NALF1: variants seen among roughly 807,000 people sequenced by gnomAD.
NALF1 encodes the protein family with sequence similarity 155 member A.
A neutral mutation model predicts 48.4 loss-of-function variants in NALF1; 3 were observed. That is an observed-to-expected ratio of 0.06 (90% confidence interval 0.03 to 0.16). The LOEUF is 0.16. Among genes scored for constraint, NALF1 ranks in the 10% least tolerant of loss-of-function variants. The pLI, the probability that NALF1 is intolerant of heterozygous loss-of-function variation, is 1.00. For synonymous variants in NALF1, 262 were observed against 245.7 expected, an observed-to-expected ratio of 1.07 and a Z score of -0.62; for missense variants, 526 against 571.5, an observed-to-expected ratio of 0.92 and a Z score of 0.81.
At chr13:107,522,460 T>C (rs1876275577) in intron 1 of NALF1, among the ~76,000 whole-genome samples, 1 of 152,178 alleles carries the variant, frequency 6.6e-6, no homozygotes, top group African/African-American at 2.4e-5. Context: ...TTGTCTTCTA[T>C]CTTTTCCAGA....
At chr13:107,436,544 T>C (rs1300140059) in intron 1 of NALF1, among the ~76,000 whole-genome samples, 2 of 152,164 alleles carry the variant, frequency 1.3e-5, no homozygotes, top group African/African-American at 2.4e-5. Flanking sequence ...TGACAATAAC[T>C]GTCAGGAAAC....
intron 1 of NALF1, among the ~76,000 whole-genome samples, chr13:107,760,897 C>T (rs772800278): frequency 1.3e-5 from 2 of 151,888 alleles, no homozygotes; most frequent in Non-Finnish European, 2.9e-5. Context: ...TGAAGGGAGC[C>T]GAAAGAGAAG....
intron 1 of NALF1, among the ~76,000 whole-genome samples, chr13:107,540,710 C>G (rs2139118971): frequency 6.6e-6 from 1 of 152,184 alleles, no homozygotes; most frequent in East Asian, 1.9e-4. Context: ...TTTATACAAA[C>G]TAAAGTCATC....
intron 1 of NALF1, among the ~76,000 whole-genome samples, chr13:107,314,322 G>A (rs1157447811): frequency 6.6e-6 from 1 of 152,122 alleles, no homozygotes; most frequent in East Asian, 1.9e-4. Context: ...CTTCAAATGC[G>A]AGTTCTTCCA....
intron 1 of NALF1, among the ~76,000 whole-genome samples, chr13:107,293,596 T>G (rs1395819978): frequency 6.6e-6 from 1 of 152,218 alleles, no homozygotes; most frequent in Non-Finnish European, 1.5e-5. Context: ...TAATTAATAC[T>G]GAGTCATCCT....
intron 1 of NALF1, among the ~76,000 whole-genome samples, chr13:107,857,720 A>C (rs1880472406): frequency 6.6e-6 from 1 of 152,254 alleles, no homozygotes; most frequent in African/African-American, 2.4e-5. Context: ...AGAGAAGCAC[A>C]ATAAATGTAG....
intron 1 of NALF1, among the ~76,000 whole-genome samples, chr13:107,581,817 A>G (rs1462844400): frequency 6.6e-6 from 1 of 152,124 alleles, no homozygotes; most frequent in Non-Finnish European, 1.5e-5. Context: ...ACCCTCATCA[A>G]TTCACATACA....
At chr13:107,506,586 G>A (rs940097502) in intron 1 of NALF1, among the ~76,000 whole-genome samples, 4 of 74,328 alleles carry the variant, frequency 5.4e-5, no homozygotes, top group African/African-American at 1.8e-4. Context: ...CCACTGTTGT[G>A]CATTTTTCTC....
intron 1 of NALF1, among the ~76,000 whole-genome samples, chr13:107,843,335 G>C (rs1880089717): frequency 6.6e-6 from 1 of 152,122 alleles, no homozygotes; most frequent in African/African-American, 2.4e-5. Flanking sequence ...TAAATTGCAG[G>C]GATGAAGTTT....
chr13:107,503,944 G>T (rs1875610582), intron 1 of NALF1, among the ~76,000 whole-genome samples: 3 of 149,586 alleles, frequency 2.0e-5, no homozygotes, highest in African/African-American at 7.4e-5. Flanking sequence ...TTTTTAAAGA[G>T]CTCAAACACA....
chr13:107,495,395 T>C (rs1438515205), intron 1 of NALF1, among the ~76,000 whole-genome samples: 3 of 152,170 alleles, frequency 2.0e-5, no homozygotes, highest in African/African-American at 4.8e-5. Context: ...CACAAAAGCA[T>C]AAAATGAAAA....
intron 1 of NALF1, among the ~76,000 whole-genome samples, chr13:107,649,907 T>G (rs955543646): frequency 6.6e-6 from 1 of 152,152 alleles, no homozygotes; most frequent in African/African-American, 2.4e-5. Flanking sequence ...CCCCTACCCG[T>G]CAGCTTGCCA....
At chr13:107,241,430 G>T (rs1052690690) in intron 1 of NALF1, among the ~76,000 whole-genome samples, 2 of 152,124 alleles carry the variant, frequency 1.3e-5, no homozygotes, top group African/African-American at 4.8e-5. Flanking sequence ...ATAATTCTCT[G>T]CAATTTTAAT....
chr13:107,306,992 C>G (rs532722395), intron 1 of NALF1, among the ~76,000 whole-genome samples: 1 of 152,192 alleles, frequency 6.6e-6, no homozygotes, highest in African/African-American at 2.4e-5. Context: ...AAACAAAAAC[C>G]CCAAACACGT....
rs1367264134 is a variant in NALF1, at chr13:107,230,422, C to T, written c.916-19667G>A. Among the ~76,000 whole-genome samples the T allele has an allele frequency of 4.6e-5, 7 of 152,064 alleles. No individual in the cohort carries two copies. In the East Asian group the frequency reaches 1.2e-3, roughly 25 times the overall value. ...AAGCATAGAATAAGGTCAGCATTAT[C>T]TGTGGTTGCATGTTGAAGTGAAAAA... On this transcript the variant is annotated intron_variant, in intron 1 of 2. Coordinates refer to ENST00000375915, the MANE Select transcript of NALF1 (RefSeq NM_001080396.3).
At chr13:107,838,325 A>C (rs776277953) in intron 1 of NALF1, among the ~76,000 whole-genome samples, 2 of 152,250 alleles carry the variant, frequency 1.3e-5, no homozygotes, top group Non-Finnish European at 2.9e-5. Context: ...CTCAAAAACA[A>C]TAACATCTGA....
chr13:107,845,227 A>T (rs1354929729), intron 1 of NALF1, among the ~76,000 whole-genome samples: 2 of 152,174 alleles, frequency 1.3e-5, no homozygotes, highest in Non-Finnish European at 2.9e-5. Flanking sequence ...CAGATGAAAG[A>T]TTGCTAATTC....
intron 1 of NALF1, among the ~76,000 whole-genome samples, chr13:107,284,096 A>G (rs924828349): frequency 6.6e-6 from 1 of 152,208 alleles, no homozygotes; most frequent in African/African-American, 2.4e-5. Flanking sequence ...TATGGCTGAC[A>G]TACGATCACA....
chr13:107,841,863 T>C (rs1342126923), intron 1 of NALF1, among the ~76,000 whole-genome samples: 3 of 152,072 alleles, frequency 2.0e-5, no homozygotes, highest in Admixed American at 6.6e-5. Context: ...TGCAAAAGAA[T>C]GCTTTCTGAA....
Sources: allele counts gnomAD v4.1 joint callset (sites outside exome capture counted in the v4.1 genomes callset), GRCh38; gene constraint gnomAD v4.1.1; transcripts MANE v1.5; gene names NCBI Gene and HGNC (gene_info 2026-07-23, HGNC 2026-07-21).